ADAMTS3: variants seen among roughly 807,000 people sequenced by gnomAD.
ADAMTS3 encodes the protein A disintegrin and metalloproteinase with thrombospondin motifs 3.
A neutral mutation model predicts 129.0 loss-of-function variants in ADAMTS3; 73 were observed. The ratio of observed to expected loss-of-function variants is 0.57; its 90% CI spans 0.47 to 0.69. The LOEUF is 0.69. Among genes scored for constraint, ADAMTS3 ranks in the 30% least tolerant of loss-of-function variants. ADAMTS3 has a pLI of 0.00. For synonymous variants in ADAMTS3, 477 were observed against 510.8 expected (o/e 0.93, Z 0.89); for missense variants, 1,457 against 1,514.5 (o/e 0.96, Z 0.63).
chr4:72,454,003 G>A (rs1227198275), intron 3 of ADAMTS3, among the ~76,000 whole-genome samples: 1 of 151,050 alleles, frequency 6.6e-6, no homozygotes, highest in East Asian at 2.0e-4. Context: ...TTTGACTGTA[G>A]ATTTGCTTGA....
chr4:72,424,870 C>A (rs1429583817), intron 3 of ADAMTS3, among the ~76,000 whole-genome samples: 1 of 152,090 alleles, frequency 6.6e-6, no homozygotes, highest in African/African-American at 2.4e-5. Context: ...TCCTTGGATA[C>A]TAACTTTTTA....
chr4:72,511,076 G>T (rs1040336330), intron 3 of ADAMTS3, among the ~76,000 whole-genome samples: 1 of 152,078 alleles, frequency 6.6e-6, no homozygotes, highest in Non-Finnish European at 1.5e-5. Context: ...ATATCCATAT[G>T]CAGAAGAATA....
chr4:72,290,613 T>G lies in ADAMTS3; in HGVS notation c.2931+242A>C, dbSNP rs559928418. ...GGAATAGGGAAGTCAACAAAAATAT[T>G]AGACAAAAGAACAGTCATCTTTCAG... On this transcript the variant is annotated intron_variant, in intron 20 of 21. Transcript: ENST00000286657. Among the ~76,000 whole-genome samples the G allele has an allele frequency of 1.1e-3, 172 of 152,324 alleles. 1 individual carries two copies. The highest frequency in any genetic ancestry group is 4.0e-3 in the African/African-American group (166 of 41,554).
At chr4:72,315,192 T>G (rs1014321023) in intron 11 of ADAMTS3, among the ~76,000 whole-genome samples, 2 of 152,212 alleles carry the variant, frequency 1.3e-5, no homozygotes, top group African/African-American at 4.8e-5. Flanking sequence ...AGGGGGCAGA[T>G]AGTCTGCTGA....
chr4:72,494,626 T>C (rs923661184), intron 3 of ADAMTS3, among the ~76,000 whole-genome samples: 11 of 152,186 alleles, frequency 7.2e-5, no homozygotes, highest in Admixed American at 2.6e-4. Flanking sequence ...GGTGATATCA[T>C]GTTTAGCTGA....
At chr4:72,471,482 T>C (rs1300729334) in intron 3 of ADAMTS3, among the ~76,000 whole-genome samples, 3 of 152,124 alleles carry the variant, frequency 2.0e-5, no homozygotes, top group East Asian at 3.9e-4. Flanking sequence ...TGAGTTCTAG[T>C]ATAGAATCAA....
chr4:72,431,478 C>T (rs1050502448), intron 3 of ADAMTS3, among the ~76,000 whole-genome samples: 1 of 151,994 alleles, frequency 6.6e-6, no homozygotes, highest in Non-Finnish European at 1.5e-5. Context: ...AAGTTCTACA[C>T]CTGCCCTCAT....
intron 3 of ADAMTS3, among the ~76,000 whole-genome samples, chr4:72,479,833 C>T (rs1471449023): frequency 6.6e-6 from 1 of 152,212 alleles, no homozygotes; most frequent in African/African-American, 2.4e-5. Context: ...ACAATGAACT[C>T]AAACAAATTT....
At chr4:72,328,883 C>G (rs1275551148) in intron 5 of ADAMTS3, among the ~76,000 whole-genome samples, 3 of 151,972 alleles carry the variant, frequency 2.0e-5, no homozygotes, top group African/African-American at 4.8e-5. Flanking sequence ...TTACTCTGTC[C>G]ACAACTATCT....
intron 4 of ADAMTS3, among the ~76,000 whole-genome samples, chr4:72,344,373 T>C (rs935606843): frequency 1.3e-5 from 2 of 152,018 alleles, no homozygotes; most frequent in African/African-American, 4.8e-5. Context: ...GAGACGAAGG[T>C]AAAATTGGAA....
intron 3 of ADAMTS3, among the ~76,000 whole-genome samples, chr4:72,499,223 T>G (rs977683572): frequency 1.3e-5 from 2 of 152,166 alleles, no homozygotes; most frequent in African/African-American, 4.8e-5. Context: ...AATAAGAAAT[T>G]TCTTCCCATT....
At chr4:72,510,819 C>CAA (rs869030257) in intron 3 of ADAMTS3, among the ~76,000 whole-genome samples, 16 of 63,660 alleles carry the variant, frequency 2.5e-4, no homozygotes, top group South Asian at 9.1e-4. Flanking sequence ...ATCCTTAAGC[C>CAA]AAAAAAAAAA....
At chr4:72,402,091 C>T (rs1463767050) in intron 4 of ADAMTS3, among the ~76,000 whole-genome samples, 1 of 152,122 alleles carries the variant, frequency 6.6e-6, no homozygotes, top group Non-Finnish European at 1.5e-5. Context: ...AATATTTTCA[C>T]CATACTATCA....
chr4:72,402,847 G>A (rs1721959234), intron 4 of ADAMTS3, among the ~76,000 whole-genome samples: 1 of 152,096 alleles, frequency 6.6e-6, no homozygotes, highest in South Asian at 2.1e-4. Context: ...GTCCATTAAG[G>A]TCTGGGAGGT....
intron 3 of ADAMTS3, among the ~76,000 whole-genome samples, chr4:72,534,306 G>A (rs192433995): frequency 9.9e-5 from 15 of 151,034 alleles, no homozygotes; most frequent in Admixed American, 8.6e-4. Flanking sequence ...CAGCATGGGC[G>A]ACAGAGCGAG....
chr4:72,492,701 T>C (rs1719778711), intron 3 of ADAMTS3, among the ~76,000 whole-genome samples: 1 of 151,872 alleles, frequency 6.6e-6, no homozygotes, highest in African/African-American at 2.4e-5. Context: ...AAGTTCTGTA[T>C]ACATCAGATA....
At chr4:72,353,696 C>T (rs1252345547) in intron 4 of ADAMTS3, among the ~76,000 whole-genome samples, 1 of 152,006 alleles carries the variant, frequency 6.6e-6, no homozygotes, top group African/African-American at 2.4e-5. Context: ...ATTTAATGTA[C>T]ACTTAAATCT....
chr4:72,534,297 A>G (rs1375957987), intron 3 of ADAMTS3, among the ~76,000 whole-genome samples: 2 of 152,074 alleles, frequency 1.3e-5, no homozygotes, highest in Admixed American at 1.3e-4. Flanking sequence ...ACTGCACTCC[A>G]GCATGGGCGA....
intron 3 of ADAMTS3, among the ~76,000 whole-genome samples, chr4:72,443,577 G>T (rs556173559): frequency 9.2e-5 from 14 of 151,488 alleles, no homozygotes; most frequent in Non-Finnish European, 1.5e-4. Context: ...TTTAATACTT[G>T]TTCACAGTTA....
Sources: gnomAD v4.1 joint callset for allele counts (sites outside exome capture counted in the v4.1 genomes callset) on GRCh38, gnomAD v4.1.1 for gene constraint, MANE v1.5 for transcripts, NCBI Gene and HGNC (gene_info 2026-07-23, HGNC 2026-07-21) for gene names.